EXOC4: variants seen among roughly 807,000 people sequenced by gnomAD.
The protein encoded by EXOC4 is exocyst complex component 4.
Under a neutral mutation model 107.2 loss-of-function variants are expected in EXOC4, and 71 were observed. That is an observed-to-expected ratio of 0.66 (90% CI 0.55 to 0.81). The LOEUF is 0.81. EXOC4 is among the 30% of genes least tolerant of loss of function. The pLI, the probability that EXOC4 is intolerant of heterozygous loss-of-function variation, is 0.00. For missense variants in EXOC4, 1,108 were observed against 1,189.6 expected, an observed-to-expected ratio of 0.93 and a Z score of 1.01; for synonymous variants, 456 against 441.2, an observed-to-expected ratio of 1.03 and a Z score of -0.42.
intron 9 of EXOC4, among the ~76,000 whole-genome samples, chr7:133,553,548 TC>T (rs1277462787): frequency 6.6e-6 from 1 of 152,156 alleles, no homozygotes; most frequent in Non-Finnish European, 1.5e-5. Context: ...TGCTGTTATT[TC>T]TACCTAAAAT....
intron 13 of EXOC4, among the ~76,000 whole-genome samples, chr7:133,918,023 C>A (rs1799849986): frequency 6.7e-6 from 1 of 150,278 alleles, no homozygotes; most frequent in African/African-American, 2.5e-5. Flanking sequence ...CACTCTGTCT[C>A]CCAGGCTGGA....
At chr7:133,416,239 A>C (rs969925143) in intron 7 of EXOC4, among the ~76,000 whole-genome samples, 2 of 152,208 alleles carry the variant, frequency 1.3e-5, no homozygotes, top group Non-Finnish European at 2.9e-5. Context: ...TTGAAAGGAA[A>C]GATGGAGCTA....
chr7:133,520,682 G>C (rs1799962416), intron 9 of EXOC4, among the ~76,000 whole-genome samples: 1 of 152,022 alleles, frequency 6.6e-6, no homozygotes, highest in African/African-American at 2.4e-5. Context: ...GATCTTTCTG[G>C]TGCCATTTTT....
chr7:133,545,538 C>T (rs1053541367), intron 9 of EXOC4, among the ~76,000 whole-genome samples: 57 of 152,160 alleles, frequency 3.7e-4, no homozygotes, highest in African/African-American at 1.4e-3. Context: ...TCTTCCTACA[C>T]TCATAGTCAT....
chr7:133,381,874 G>A (rs1432735122), intron 7 of EXOC4, among the ~76,000 whole-genome samples: 2 of 152,120 alleles, frequency 1.3e-5, no homozygotes, highest in Non-Finnish European at 2.9e-5. Context: ...GGTTCTCAAT[G>A]TATACCTCTT....
intron 9 of EXOC4, among the ~76,000 whole-genome samples, chr7:133,516,758 A>ATGTTTTTTTTTTTTTTTTTTTTT (rs1799883121): frequency 2.0e-5 from 1 of 49,032 alleles, no homozygotes; most frequent in Non-Finnish European, 3.9e-5. Flanking sequence ...CTAGCTGCTC[A>ATGTTTTTTTTTTTTTTTTTTTTT]TTTTTTTTTT....
the EXOC4 span, among the ~76,000 whole-genome samples, chr7:134,094,308 T>A: frequency 6.6e-6 from 1 of 152,120 alleles, no homozygotes; most frequent in East Asian, 1.9e-4. Flanking sequence ...GACTAGAAAA[T>A]CTGAAGGAAA....
At chr7:133,615,535 G>A (rs1038470549) in intron 9 of EXOC4, among the ~76,000 whole-genome samples, 1 of 152,124 alleles carries the variant, frequency 6.6e-6, no homozygotes, top group African/African-American at 2.4e-5. Flanking sequence ...TGACTGGAAT[G>A]GGAGAAGCAA....
chr7:133,724,017 T>TA (rs940344853), intron 10 of EXOC4, among the ~76,000 whole-genome samples: 3 of 152,168 alleles, frequency 2.0e-5, no homozygotes, highest in South Asian at 2.1e-4. Flanking sequence ...ATATATATAT[T>TA]AAAAAAACTT....
chr7:133,592,905 C>A (rs531468963), intron 9 of EXOC4, among the ~76,000 whole-genome samples: 12 of 152,128 alleles, frequency 7.9e-5, no homozygotes, highest in African/African-American at 2.4e-4. Context: ...TTGGCCCATG[C>A]CCAGCTACTT....
Position 133,423,620 on chromosome 7 carries a change from G to A in EXOC4, c.1182+48618G>A, listed in dbSNP as rs10258479. 1.4e-3 allele frequency among the ~76,000 whole-genome samples: 220 copies of A among 152,340 alleles called. 2 individuals are homozygous for A. Among genetic ancestry groups the A allele is most frequent in the African/African-American group, 4.9e-3 (204 of 41,574 alleles). On this transcript the variant is annotated intron_variant, in intron 7 of 17. Transcript: ENST00000253861. The stretch of plus-strand genomic sequence containing the variant: ...GTGCTGTTCTTGGACATAATAGTGA[G>A]AGGTGACAACGTGCTAGCAGCCCTC...
intron 15 of EXOC4, among the ~76,000 whole-genome samples, chr7:133,999,359 A>G (rs1206630810): frequency 6.6e-6 from 1 of 152,108 alleles, no homozygotes; most frequent in African/African-American, 2.4e-5. Context: ...ATCCTTCATT[A>G]CCATTGCCCA....
chr7:133,415,795 G>A (rs747848449), intron 7 of EXOC4, among the ~76,000 whole-genome samples: 2 of 152,114 alleles, frequency 1.3e-5, no homozygotes, highest in African/African-American at 4.8e-5. Context: ...ATGTATAGTT[G>A]TAGTCAACAA....
intron 9 of EXOC4, among the ~76,000 whole-genome samples, chr7:133,628,604 C>T (rs1186927643): frequency 6.6e-6 from 1 of 152,128 alleles, no homozygotes; most frequent in Non-Finnish European, 1.5e-5. Context: ...GTGTTTTTCC[C>T]AACATCCAAA....
intron 17 of EXOC4, among the ~76,000 whole-genome samples, chr7:134,055,245 C>T (rs1466413422): frequency 5.3e-5 from 8 of 152,120 alleles, no homozygotes; most frequent in Non-Finnish European, 1.2e-4. Flanking sequence ...ACCAGAAGGT[C>T]AGGAATCAGG....
At chr7:133,533,471 C>G (rs1322736072) in intron 9 of EXOC4, among the ~76,000 whole-genome samples, 1 of 152,212 alleles carries the variant, frequency 6.6e-6, no homozygotes, top group South Asian at 2.1e-4. Flanking sequence ...GAATTAAATT[C>G]AGTACTGTCA....
At position 133,793,880 on chromosome 7, in the gene EXOC4, A is replaced by G. The variant is rs116702425; in HGVS notation, c.1515-23445A>G. 2.4e-3 allele frequency among the ~76,000 whole-genome samples: 362 copies of G among 148,442 alleles called. 5 individuals carry two copies. Among genetic ancestry groups the G allele is most frequent in the African/African-American group, 8.4e-3 (338 of 40,358 alleles). ...TAAATAAAAATAAATAAAATGCCCT[A>G]AAACAGCTGGATAAAGTTTATCTTG... On this transcript the variant is annotated intron_variant, in intron 10 of 17. Transcript: ENST00000253861.
intron 11 of EXOC4, among the ~76,000 whole-genome samples, chr7:133,876,215 T>C (rs995205688): frequency 5.3e-5 from 7 of 132,788 alleles, no homozygotes; most frequent in Non-Finnish European, 7.8e-5. Context: ...AGGAAAAGAA[T>C]GAAGAGGTGT....
intron 9 of EXOC4, among the ~76,000 whole-genome samples, chr7:133,527,880 GATATTTACTGTTC>G (rs1272507839): frequency 6.6e-6 from 1 of 152,130 alleles, no homozygotes; most frequent in Non-Finnish European, 1.5e-5. Flanking sequence ...ATAGTGGGGA[GATATTTACTGTTC>G]ATGCTTACTT....
Sources: allele counts gnomAD v4.1 joint callset (sites outside exome capture counted in the v4.1 genomes callset), GRCh38; gene constraint gnomAD v4.1.1; transcripts MANE v1.5; gene names NCBI Gene and HGNC (gene_info 2026-07-23, HGNC 2026-07-21).